The following SLC25A37 variants were observed in gnomAD, a reference collection of about 807,000 sequenced individuals.
The protein encoded by SLC25A37 is mitoferrin-1.
In SLC25A37, 17 loss-of-function variants were observed where a neutral mutation model predicts 31.0. The ratio of observed to expected loss-of-function variants is 0.55; its 90% CI spans 0.38 to 0.82. SLC25A37 has a LOEUF of 0.82. SLC25A37 is among the 40% of genes least tolerant of loss of function. SLC25A37 has a pLI of 0.00. For missense variants in SLC25A37, 404 were observed against 465.8 expected (o/e 0.87, Z 1.22); for synonymous variants, 222 against 193.0 (o/e 1.15, Z -1.24).
intron 3 of SLC25A37, among the ~76,000 whole-genome samples, chr8:23,569,814 G>T (rs1228662781): frequency 6.6e-6 from 1 of 152,176 alleles, no homozygotes; most frequent in Non-Finnish European, 1.5e-5. Context: ...CTGGCACTGG[G>T]CAGGCCTTCA....
At chr8:23,558,230 T>C (rs1010705932) in intron 1 of SLC25A37, among the ~76,000 whole-genome samples, 2 of 152,064 alleles carry the variant, frequency 1.3e-5, no homozygotes, top group African/African-American at 4.8e-5. Flanking sequence ...AGTGGCTGAG[T>C]TTCTGATGCT....
intron 1 of SLC25A37, among the ~76,000 whole-genome samples, chr8:23,533,808 C>T (rs1030440666): frequency 2.6e-5 from 4 of 152,220 alleles, no homozygotes; most frequent in Non-Finnish European, 5.9e-5. Flanking sequence ...CAGACATACC[C>T]CTGTGATCAT....
intron 1 of SLC25A37, among the ~76,000 whole-genome samples, chr8:23,561,917 C>T (rs750905006): frequency 4.6e-5 from 7 of 152,188 alleles, no homozygotes; most frequent in African/African-American, 1.7e-4. Flanking sequence ...CACTGGGGAC[C>T]GGAGAGATGA....
chr8:23,561,652 C>T (rs1285237368), intron 1 of SLC25A37, among the ~76,000 whole-genome samples: 3 of 152,192 alleles, frequency 2.0e-5, no homozygotes, highest in African/African-American at 7.2e-5. Flanking sequence ...TCAGCCACTC[C>T]CTCCATAGGT....
chr8:23,563,837 T>C (rs984926985), intron 1 of SLC25A37, among the ~76,000 whole-genome samples: 2 of 151,938 alleles, frequency 1.3e-5, no homozygotes, highest in African/African-American at 4.8e-5. Context: ...AAAAATTAGC[T>C]GGGCGTGGTG....
In SLC25A37 at chr8:23,572,156, C is replaced by G; in HGVS notation, c.*301C>G. ...CACTGTGGCAGCCTCCTCCCTGGAT[C>G]CTTAGATCCCAGAGGAGGGAAGAAA... On this transcript the variant is annotated 3_prime_UTR_variant, in exon 4 of 4. Transcript: ENST00000519973. 4.5e-6 allele frequency: 1 copy of G among 223,012 alleles called. No individual in the cohort carries two copies. The allele number at this position is 223,012 out of a possible 1,614,324, so 13.8% of individuals were successfully genotyped here.
chr8:23,541,695 G>T (rs1333948050), intron 1 of SLC25A37: 1 of 152,310 alleles, frequency 6.6e-6, no homozygotes, highest in East Asian at 1.9e-4. Context: ...TCCTTGATAC[G>T]CAGTGCTCCC....
Position 23,556,150 on chromosome 8 carries a change from C to G in SLC25A37, c.211-9958C>G, listed in dbSNP as rs1458526833. On this transcript the variant is annotated intron_variant, in intron 1 of 3. Transcript: ENST00000519973. ...GCATTTGTTTTCCCACCCCATCCCCCACTTTTTTGAAGTGGGGGCAATGAC... is the reference window on the plus strand; with the variant it reads ...GCATTTGTTTTCCCACCCCATCCCCGACTTTTTTGAAGTGGGGGCAATGAC... Among the ~76,000 whole-genome samples, 3 of 152,056 alleles carry G rather than the reference C, an allele frequency of 2.0e-5. No homozygotes were observed. The East Asian group carries it at 5.8e-4, about 29-fold the overall frequency.
rs1283060157 is a variant in SLC25A37 at position 23,529,802 on chromosome 8, G to T, written c.210+590G>T. 1.3e-5 allele frequency among the ~76,000 whole-genome samples: 2 copies of T among 152,140 alleles called. No homozygotes were observed. The highest frequency in any genetic ancestry group is 4.8e-5 in the African/African-American group (2 of 41,448). On this transcript the variant is annotated intron_variant, in intron 1 of 3. Coordinates refer to ENST00000519973, the MANE Select transcript of SLC25A37 (RefSeq NM_016612.4). This position sits in a 1 kb window ranked among gnomAD's most constrained non-coding sequence, Gnocchi z 4.1. ...TTACCGGTTCGACAGCGGCCCGTGG[G>T]ATCCCCTTTCTGAGGGTTCCTGCAC...
intron 1 of SLC25A37, among the ~76,000 whole-genome samples, chr8:23,555,274 T>C (rs1282928661): frequency 6.6e-6 from 1 of 152,220 alleles, no homozygotes; most frequent in South Asian, 2.1e-4. Context: ...AGTCACAAAA[T>C]GAAATAGTGT....
chr8:23,530,558 C>T (rs557799018), intron 1 of SLC25A37, among the ~76,000 whole-genome samples: 7 of 152,172 alleles, frequency 4.6e-5, no homozygotes, highest in Admixed American at 2.6e-4. Context: ...TATGTCCCTC[C>T]AGTGTCCCAG....
intron 1 of SLC25A37, among the ~76,000 whole-genome samples, chr8:23,551,852 A>G (rs1487541771): frequency 1.3e-5 from 2 of 152,128 alleles, no homozygotes; most frequent in African/African-American, 4.8e-5. Flanking sequence ...TCCATCAGAA[A>G]CTGAAAGGTG....
chr8:23,564,726 TG>T, intron 1 of SLC25A37, among the ~76,000 whole-genome samples: 4 of 152,134 alleles, frequency 2.6e-5, no homozygotes, highest in Non-Finnish European at 5.9e-5. Context: ...AGACCTTCCT[TG>T]GGTCCTAGCA....
intron 1 of SLC25A37, among the ~76,000 whole-genome samples, chr8:23,555,363 T>G (rs1802336253): frequency 6.6e-6 from 1 of 152,184 alleles, no homozygotes; most frequent in African/African-American, 2.4e-5. Context: ...TCAAATGGCT[T>G]CCTTCCAGCC....
chr8:23,529,593 C>T lies in SLC25A37; in HGVS notation c.210+381C>T, dbSNP rs1377360340. Among the ~76,000 whole-genome samples the T allele has an allele frequency of 2.0e-5, 3 of 152,154 alleles. No homozygotes were observed. Among genetic ancestry groups the T allele is most frequent in the Non-Finnish European group, 4.4e-5 (3 of 68,002 alleles). On this transcript the variant is annotated intron_variant, in intron 1 of 3. Coordinates refer to ENST00000519973, the MANE Select transcript of SLC25A37 (RefSeq NM_016612.4). This position sits in a 1 kb window ranked among gnomAD's most constrained non-coding sequence, Gnocchi z 4.1. ...CGCTGGCCGTTCGGGCTGGCTGGGG[C>T]CGCCCACACGTGCGCGGTTTCCGAG...
rs1296044151 is a variant in SLC25A37 at position 23,573,912 on chromosome 8, A to G, written c.*2057A>G. ...CCACGCTACTGTTGAAAATGTTTACATCTCCGCTCTCAACCTGCCTTGGGT... is the reference window on the plus strand; with the variant it reads ...CCACGCTACTGTTGAAAATGTTTACGTCTCCGCTCTCAACCTGCCTTGGGT... On this transcript the variant is annotated 3_prime_UTR_variant, in exon 4 of 4. Coordinates refer to ENST00000519973, the MANE Select transcript of SLC25A37 (RefSeq NM_016612.4). 2.2e-6 allele frequency: 1 copy of G among 452,272 alleles called. No individual in the cohort carries two copies. Among genetic ancestry groups the G allele is most frequent in the Admixed American group, 2.4e-5 (1 of 42,466 alleles). 28.0% of individuals were successfully genotyped at this position (452,272 alleles called of 1,614,324 possible). A position where few individuals can be genotyped will look rare whatever the true frequency, so the allele number is the denominator to read the frequency against.
chr8:23,568,055 CT>C, intron 2 of SLC25A37: 1 of 498,008 alleles, frequency 2.0e-6, no homozygotes, highest in Admixed American at 3.0e-5. Context: ...GCAGGTTTAG[CT>C]TTTTCCCAGG....
rs1234384529 is a variant in SLC25A37 at position 23,529,219 on chromosome 8, C to T, written c.210+7C>T. The T allele has an allele frequency of 1.2e-6, 2 of 1,602,544 alleles. No individual in the cohort carries two copies. The highest frequency in any genetic ancestry group is 1.7e-6 in the Non-Finnish European group (2 of 1,175,566). On this transcript the variant is annotated splice_region_variant and intron_variant, in intron 1 of 3. Transcript: ENST00000519973. This position sits in a 1 kb window ranked among gnomAD's most constrained non-coding sequence, Gnocchi z 4.1. ...CCCGGTGGACTCGGTGAAGGTGAGG[C>T]GCGGGGAGACTTCGGGGACGCAACG... is the stretch of plus-strand genomic sequence containing the variant.
Position 23,566,481 on chromosome 8 carries a change from C to T in SLC25A37, c.439+145C>T, listed in dbSNP as rs1439188869. ...AACTCAGAGTTGTGTGTGCAATGCA[C>T]ACCCAGACACACGCACGCACACACA... is the stretch of plus-strand genomic sequence containing the variant. On this transcript the variant is annotated intron_variant, in intron 2 of 3. Transcript: ENST00000519973. The T allele has an allele frequency of 2.9e-5, 42 of 1,440,174 alleles. No homozygotes were observed. The East Asian group carries it at 1.0e-3, about 34-fold the overall frequency. The allele number at this position is 1,440,174 out of a possible 1,614,324, so 89.2% of individuals were successfully genotyped here.
Sources: gnomAD v4.1 joint callset for allele counts (sites outside exome capture counted in the v4.1 genomes callset) on GRCh38, gnomAD v4.1.1 for gene constraint, Gnocchi (gnomAD v3.1) non-coding constraint, MANE v1.5 for transcripts, NCBI Gene and HGNC (gene_info 2026-07-23, HGNC 2026-07-21) for gene names.